MED15: variants seen among roughly 807,000 people sequenced by gnomAD.
MED15 encodes the protein mediator of RNA polymerase II transcription subunit 15.
Under a neutral mutation model 118.7 loss-of-function variants are expected in MED15, and 41 were observed. The ratio of observed to expected loss-of-function variants is 0.35; its 90% confidence interval spans 0.27 to 0.45. The LOEUF is 0.45. Among genes scored for constraint, MED15 ranks in the 20% least tolerant of loss-of-function variants. MED15 has a pLI of 1.00. For missense variants in MED15, 740 were observed against 1,025.5 expected, an observed-to-expected ratio of 0.72 and a Z score of 3.80; for synonymous variants, 436 against 413.9, an observed-to-expected ratio of 1.05 and a Z score of -0.65.
intron 1 of MED15, among the ~76,000 whole-genome samples, chr22:20,510,870 G>A (rs1482939372): frequency 6.6e-6 from 1 of 152,116 alleles, no homozygotes; most frequent in African/African-American, 2.4e-5. Context: ...ATGTAATGTA[G>A]CATATTCACA....
intron 7 of MED15, among the ~76,000 whole-genome samples, chr22:20,567,801 C>T (rs967210770): frequency 1.3e-5 from 2 of 152,224 alleles, no homozygotes; most frequent in Non-Finnish European, 2.9e-5. Context: ...TCTCGTCCTT[C>T]TGGAGGCCCC....
chr22:20,551,110 C>G (rs748786387), intron 2 of MED15: 1 of 549,110 alleles, frequency 1.8e-6, no homozygotes, highest in South Asian at 1.5e-5. Context: ...CACCCCCAAC[C>G]TGCCTGTCCC....
Position 20,564,458 on chromosome 22 carries a change from C to A in MED15, c.460C>A (p.Gln154Lys). The A allele has an allele frequency of 1.2e-6, 2 of 1,613,600 alleles. No individual in the cohort carries two copies. Among genetic ancestry groups the A allele is most frequent in the East Asian group, 4.5e-5 (2 of 44,886 alleles). The change falls in exon 6 of 18, where the codon CAG becomes AAG. Residue 154 changes from glutamine (Q) to lysine (K), a missense_variant. Physicochemically the swap from Gln to Lys is moderately conservative, Grantham distance 53 (BLOSUM62 1). Transcript: ENST00000263205. ...CTCTGGTCTTTTCTCAGCCCAGCTGCAGCTCCAGCAGGTGGCGCTGCAGCA... is the reference window on the plus strand; with the variant it reads ...CTCTGGTCTTTTCTCAGCCCAGCTGAAGCTCCAGCAGGTGGCGCTGCAGCA... Reference protein sequence around the residue: ...VSTATPQTQLQLQQVALQQQQ... With the variant: ...VSTATPQTQLKLQQVALQQQQ...
chr22:20,528,231 C>T (rs932022181), intron 1 of MED15, among the ~76,000 whole-genome samples: 3 of 152,106 alleles, frequency 2.0e-5, no homozygotes, highest in Non-Finnish European at 4.4e-5. Context: ...TGGAGCTTGT[C>T]GACTGGGAAC....
rs375343268 is a variant in MED15, at chr22:20,560,847, C to T, written c.452-3603C>T. ...GAGGTTTTGAGTCCAGGCAGCCTAG[C>T]TTGGAGGCTGTATCCCTAGCCTCAA... is the stretch of plus-strand genomic sequence containing the variant. On this transcript the variant is annotated intron_variant, in intron 5 of 17. Transcript: ENST00000263205. 5.9e-5 allele frequency among the ~76,000 whole-genome samples: 9 copies of T among 152,268 alleles called. 1 individual carries two copies. Among genetic ancestry groups the T allele is most frequent in the Admixed American group, 6.5e-5 (1 of 15,296 alleles).
chr22:20,543,151 G>GTA (rs2055380504), intron 2 of MED15, among the ~76,000 whole-genome samples: 1 of 82,032 alleles, frequency 1.2e-5, no homozygotes, highest in Admixed American at 1.3e-4. Flanking sequence ...GTGTGTGTGT[G>GTA]TATTTTTAAA....
intron 2 of MED15, among the ~76,000 whole-genome samples, chr22:20,546,432 C>T (rs1167008750): frequency 6.6e-6 from 1 of 151,972 alleles, no homozygotes. Context: ...TATTATCTTT[C>T]CGATGGTTTC....
intron 8 of MED15, among the ~76,000 whole-genome samples, chr22:20,570,300 G>A (rs1490545289): frequency 6.6e-6 from 1 of 152,140 alleles, no homozygotes; most frequent in Non-Finnish European, 1.5e-5. Flanking sequence ...TGAGATTACA[G>A]GCATGAGCCA....
At chr22:20,570,973 T>A (rs1395879539) in intron 8 of MED15, among the ~76,000 whole-genome samples, 1 of 151,760 alleles carries the variant, frequency 6.6e-6, no homozygotes, top group African/African-American at 2.4e-5. Context: ...TGGGCCAGGC[T>A]GGTCTTAAGC....
intron 1 of MED15, among the ~76,000 whole-genome samples, chr22:20,515,711 G>A (rs1298169642): frequency 3.3e-5 from 5 of 151,750 alleles, no homozygotes; most frequent in South Asian, 2.1e-4. Flanking sequence ...GCTTAAACCC[G>A]GGAGGCAGAG....
chr22:20,573,295 T>C (rs1189814513), intron 8 of MED15, among the ~76,000 whole-genome samples: 1 of 152,236 alleles, frequency 6.6e-6, no homozygotes, highest in Non-Finnish European at 1.5e-5. Flanking sequence ...ACAGTCCCTA[T>C]ACCTTTGTCA....
chr22:20,577,723 C>G (rs182619575), intron 9 of MED15, among the ~76,000 whole-genome samples: 2 of 151,936 alleles, frequency 1.3e-5, no homozygotes, highest in Non-Finnish European at 2.9e-5. Context: ...AATCACCAGG[C>G]CCCGCCCATT....
intron 9 of MED15, among the ~76,000 whole-genome samples, chr22:20,578,163 G>T (rs1381987699): frequency 2.0e-5 from 3 of 152,192 alleles, no homozygotes; most frequent in Non-Finnish European, 4.4e-5. Flanking sequence ...AACCTTAGGT[G>T]ATCCGCCCGC....
At chr22:20,573,518 G>C (rs186756633) in intron 8 of MED15, among the ~76,000 whole-genome samples, 5 of 152,090 alleles carry the variant, frequency 3.3e-5, no homozygotes, top group African/African-American at 7.2e-5. Context: ...ACCTGGGGGT[G>C]GGGGAGAGGT....
chr22:20,577,985 C>T (rs1026381175), intron 9 of MED15, among the ~76,000 whole-genome samples: 7 of 152,030 alleles, frequency 4.6e-5, no homozygotes, highest in African/African-American at 7.3e-5. Flanking sequence ...AGTGCAATGG[C>T]GCACTCCTGG....
intron 5 of MED15, 63 bp downstream of exon 5, chr22:20,555,211 C>A: frequency 7.0e-7 from 1 of 1,438,454 alleles, no homozygotes; most frequent in Admixed American, 2.1e-5. Flanking sequence ...CATTTTATTC[C>A]TGTGCTTATG....
At chr22:20,573,666 A>T (rs903028976) in intron 8 of MED15, 5 of 152,224 alleles carry the variant, frequency 3.3e-5, no homozygotes, top group African/African-American at 1.2e-4. Context: ...GTTCTCAGTT[A>T]TAAGAACATC....
At chr22:20,543,536 G>A (rs2055403718) in intron 2 of MED15, among the ~76,000 whole-genome samples, 2 of 147,382 alleles carry the variant, frequency 1.4e-5, no homozygotes, top group South Asian at 4.3e-4. Flanking sequence ...ACTACAAGCA[G>A]AAAGAAGAAA....
At chr22:20,526,145 C>T (rs1362027301) in intron 1 of MED15, among the ~76,000 whole-genome samples, 1 of 152,082 alleles carries the variant, frequency 6.6e-6, no homozygotes, top group Non-Finnish European at 1.5e-5. Context: ...AATCTTGAAT[C>T]TTGAATTCCT....
Sources: gnomAD v4.1 joint callset for allele counts (sites outside exome capture counted in the v4.1 genomes callset) on GRCh38, gnomAD v4.1.1 for gene constraint, MANE v1.5 for transcripts, NCBI Gene and HGNC (gene_info 2026-07-23, HGNC 2026-07-21) for gene names.